Variants in GRIA4 observed in about 807,000 individuals in gnomAD.
GRIA4 encodes glutamate ionotropic receptor AMPA type subunit 4.
In GRIA4, 34 loss-of-function variants were observed where a neutral mutation model predicts 104.0. That is an observed-to-expected ratio of 0.33 (90% CI 0.25 to 0.44). The LOEUF (loss-of-function observed/expected upper bound fraction) is 0.44. GRIA4 is among the 20% of genes least tolerant of loss of function. The probability of loss-of-function intolerance (pLI) is 1.00; values close to 1 mark genes in which losing one functional copy is unlikely to be tolerated. For missense variants in GRIA4, 750 were observed against 1,096.5 expected, an observed-to-expected ratio of 0.68 and a Z score of 4.46; for synonymous variants, 386 against 381.9, an observed-to-expected ratio of 1.01 and a Z score of -0.13.
intron 4 of GRIA4, among the ~76,000 whole-genome samples, chr11:105,755,646 G>A (rs1940261769): frequency 6.6e-6 from 1 of 152,170 alleles, no homozygotes; most frequent in South Asian, 2.1e-4. Flanking sequence ...CATTATTTCT[G>A]AATGTGTCTG....
chr11:105,917,250 T>G (rs1947433592), intron 10 of GRIA4, among the ~76,000 whole-genome samples: 1 of 152,174 alleles, frequency 6.6e-6, no homozygotes, highest in African/African-American at 2.4e-5. Flanking sequence ...GTGGGAGGTT[T>G]CTGGGTCATT....
At chr11:105,739,915 A>G (rs1939203472) in intron 3 of GRIA4, among the ~76,000 whole-genome samples, 1 of 152,190 alleles carries the variant, frequency 6.6e-6, no homozygotes, top group Non-Finnish European at 1.5e-5. Context: ...ATGAAAAACA[A>G]ATATTCAGGA....
intron 4 of GRIA4, among the ~76,000 whole-genome samples, chr11:105,810,542 C>T (rs1180344773): frequency 6.6e-6 from 1 of 152,078 alleles, no homozygotes; most frequent in Non-Finnish European, 1.5e-5. Context: ...GGCATCAGTC[C>T]TCAAGAAGGC....
At chr11:105,654,484 T>G (rs1351237285) in intron 3 of GRIA4, among the ~76,000 whole-genome samples, 3 of 152,134 alleles carry the variant, frequency 2.0e-5, no homozygotes, top group Non-Finnish European at 4.4e-5. Flanking sequence ...TATAATATTA[T>G]GTGTATATTA....
At chr11:105,625,451 T>G (rs1276485161) in intron 3 of GRIA4, among the ~76,000 whole-genome samples, 1 of 152,130 alleles carries the variant, frequency 6.6e-6, no homozygotes, top group East Asian at 1.9e-4. Context: ...GTATCACACA[T>G]CCTTTTAGTG....
chr11:105,761,254 T>A (rs987740064), intron 4 of GRIA4, among the ~76,000 whole-genome samples: 1 of 152,122 alleles, frequency 6.6e-6, no homozygotes, highest in Non-Finnish European at 1.5e-5. Context: ...TGTATTGAGG[T>A]CTGTTTTTTC....
chr11:105,786,745 C>T (rs916727837), intron 4 of GRIA4, among the ~76,000 whole-genome samples: 12 of 152,142 alleles, frequency 7.9e-5, no homozygotes, highest in Admixed American at 7.9e-4. Context: ...TGCTATTACT[C>T]TGCAGGAGAA....
chr11:105,831,021 G>A (rs1943955435), intron 4 of GRIA4, among the ~76,000 whole-genome samples: 1 of 151,766 alleles, frequency 6.6e-6, no homozygotes, highest in South Asian at 2.1e-4. Flanking sequence ...CATGCCAAAT[G>A]TGGTAACTTT....
intron 4 of GRIA4, among the ~76,000 whole-genome samples, chr11:105,820,804 C>G (rs1319706566): frequency 6.6e-6 from 1 of 152,056 alleles, no homozygotes; most frequent in Non-Finnish European, 1.5e-5. Flanking sequence ...TAAGGAACAA[C>G]AGACAAAGTC....
At chr11:105,726,099 C>G (rs1254118765) in intron 3 of GRIA4, among the ~76,000 whole-genome samples, 1 of 152,104 alleles carries the variant, frequency 6.6e-6, no homozygotes, top group South Asian at 2.1e-4. Flanking sequence ...TCTTGCTCAG[C>G]GGATCCTACC....
chr11:105,899,145 A>G (rs924750903), intron 7 of GRIA4, among the ~76,000 whole-genome samples: 1 of 152,224 alleles, frequency 6.6e-6, no homozygotes, highest in African/African-American at 2.4e-5. Context: ...AAGCCTAGAA[A>G]AAACAAGATC....
chr11:105,783,023 T>G (rs554721273), intron 4 of GRIA4, among the ~76,000 whole-genome samples: 3 of 152,364 alleles, frequency 2.0e-5, no homozygotes, highest in African/African-American at 7.2e-5. Context: ...TGGCCCACCA[T>G]AGCTGTTTAA....
At chr11:105,776,471 A>G (rs1219649038) in intron 4 of GRIA4, among the ~76,000 whole-genome samples, 1 of 152,230 alleles carries the variant, frequency 6.6e-6, no homozygotes, top group East Asian at 1.9e-4. Context: ...TAGATAGTAA[A>G]CAGAGAGATT....
chr11:105,947,113 CA>C (rs1948334489), intron 14 of GRIA4, among the ~76,000 whole-genome samples: 1 of 152,086 alleles, frequency 6.6e-6, no homozygotes, highest in Non-Finnish European at 1.5e-5. Context: ...ATTTTAACAT[CA>C]AAACATAATA....
At chr11:105,748,233 C>G (rs973353006) in intron 3 of GRIA4, among the ~76,000 whole-genome samples, 2 of 152,154 alleles carry the variant, frequency 1.3e-5, no homozygotes, top group African/African-American at 4.8e-5. Context: ...CAGCTTGGAA[C>G]TTAGTTATGG....
chr11:105,657,894 T>G (rs1465001873), intron 3 of GRIA4, among the ~76,000 whole-genome samples: 1 of 151,906 alleles, frequency 6.6e-6, no homozygotes, highest in Non-Finnish European at 1.5e-5. Flanking sequence ...ATGGAAACTC[T>G]ATTTTTTTCT....
At chr11:105,667,925 T>C (rs1952219311) in intron 3 of GRIA4, among the ~76,000 whole-genome samples, 2 of 151,918 alleles carry the variant, frequency 1.3e-5, no homozygotes, top group African/African-American at 2.4e-5. Flanking sequence ...ATAGTCACTA[T>C]GCTGTACATA....
At chr11:105,624,393 G>T (rs72991706) in intron 3 of GRIA4, among the ~76,000 whole-genome samples, 10,161 of 152,154 alleles carry the variant, frequency 0.067, 417 homozygotes, top group African/African-American at 0.11. Flanking sequence ...GCACACTCAG[G>T]AGAATCCCAT....
At chr11:105,805,479 A>G (rs76699805) in intron 4 of GRIA4, among the ~76,000 whole-genome samples, 2 of 28,350 alleles carry the variant, frequency 7.1e-5, no homozygotes, top group Admixed American at 5.1e-4. Context: ...AGAAATCAGG[A>G]AAAAAAAAAA....
Sources: gnomAD v4.1 joint callset for allele counts (sites outside exome capture counted in the v4.1 genomes callset) on GRCh38, gnomAD v4.1.1 for gene constraint, MANE v1.5 for transcripts, NCBI Gene and HGNC (gene_info 2026-07-23, HGNC 2026-07-21) for gene names.